Variants in LRRIQ3 observed in about 807,000 individuals in gnomAD.
LRRIQ3 encodes the protein leucine rich repeats and IQ motif containing 3.
Under a neutral mutation model 59.3 loss-of-function variants are expected in LRRIQ3, and 75 were observed. The ratio of observed to expected loss-of-function variants is 1.26; its 90% CI spans 1.05 to 1.53. The LOEUF is 1.53. LRRIQ3 is among the 40% of genes most tolerant of loss of function. The pLI is 0.00. For synonymous variants in LRRIQ3, 250 were observed against 231.3 expected (o/e 1.08, Z -0.73); for missense variants, 831 against 710.0 (o/e 1.17, Z -1.94).
intron 4 of LRRIQ3, among the ~76,000 whole-genome samples, chr1:74,154,279 A>AAG (rs1648187710): frequency 2.3e-5 from 3 of 132,446 alleles, no homozygotes; most frequent in African/African-American, 8.7e-5. Flanking sequence ...AAAAAAAAAA[A>AAG]TGTAATATCT....
chr1:74,064,573 A>G (rs1335743647), intron 6 of LRRIQ3, among the ~76,000 whole-genome samples: 1 of 152,046 alleles, frequency 6.6e-6, no homozygotes, highest in African/African-American at 2.4e-5. Flanking sequence ...ACTTTCTTTC[A>G]TACACCTTCT....
chr1:74,033,753 A>G (rs1450381207), intron 7 of LRRIQ3, among the ~76,000 whole-genome samples: 1 of 152,032 alleles, frequency 6.6e-6, no homozygotes, highest in African/African-American at 2.4e-5. Context: ...TAAAGACCAC[A>G]GTAAATGAAG....
At chr1:74,061,186 C>T (rs1454831789) in intron 6 of LRRIQ3, among the ~76,000 whole-genome samples, 1 of 152,002 alleles carries the variant, frequency 6.6e-6, no homozygotes, top group East Asian at 1.9e-4. Flanking sequence ...TTCACAATAG[C>T]CACAAAAAGA....
At chr1:74,142,321 TC>T (rs1195811165) in intron 4 of LRRIQ3, among the ~76,000 whole-genome samples, 2 of 151,962 alleles carry the variant, frequency 1.3e-5, no homozygotes, top group Non-Finnish European at 2.9e-5. Flanking sequence ...TTATTAATTA[TC>T]CCATCAAATG....
intron 4 of LRRIQ3, among the ~76,000 whole-genome samples, chr1:74,139,165 C>G (rs1260685805): frequency 6.7e-6 from 1 of 149,684 alleles, no homozygotes; most frequent in Non-Finnish European, 1.5e-5. Context: ...TATATATACA[C>G]ACATACATAA....
At chr1:74,075,204 G>A (rs1017388066) in intron 5 of LRRIQ3, among the ~76,000 whole-genome samples, 4 of 152,072 alleles carry the variant, frequency 2.6e-5, no homozygotes, top group African/African-American at 7.2e-5. Context: ...TAACATGGGG[G>A]AGGAAAAGGA....
At chr1:74,065,632 A>T (rs1312674237) in intron 6 of LRRIQ3, among the ~76,000 whole-genome samples, 1 of 152,178 alleles carries the variant, frequency 6.6e-6, no homozygotes, top group African/African-American at 2.4e-5. Context: ...GTGTTTGAAT[A>T]GAATTTTTTA....
chr1:74,177,695 A>AT (rs149999706), intron 3 of LRRIQ3, among the ~76,000 whole-genome samples: 2,087 of 152,042 alleles, frequency 0.014, 42 homozygotes, highest in African/African-American at 0.048. Flanking sequence ...TAAGGAACAT[A>AT]TATTTTAATG....
At chr1:74,112,401 AG>A (rs1401239929) in intron 4 of LRRIQ3, among the ~76,000 whole-genome samples, 6 of 152,126 alleles carry the variant, frequency 3.9e-5, no homozygotes, top group Non-Finnish European at 8.8e-5. Context: ...GGTAAACTGA[AG>A]ATCAGGTTGA....
At chr1:74,149,336 T>C (rs1647777850) in intron 4 of LRRIQ3, among the ~76,000 whole-genome samples, 1 of 152,306 alleles carries the variant, frequency 6.6e-6, no homozygotes, top group Non-Finnish European at 1.5e-5. Context: ...ACTTCAAGAA[T>C]GTGTTCAATT....
At chr1:74,103,396 G>C (rs557221600) in intron 5 of LRRIQ3, among the ~76,000 whole-genome samples, 3 of 151,966 alleles carry the variant, frequency 2.0e-5, no homozygotes, top group Admixed American at 2.0e-4. Flanking sequence ...ACCCTAAAAT[G>C]AGAGTTATAC....
intron 6 of LRRIQ3, among the ~76,000 whole-genome samples, chr1:74,064,816 T>G (rs994061901): frequency 2.0e-5 from 3 of 152,076 alleles, no homozygotes; most frequent in African/African-American, 7.2e-5. Context: ...TGGAGTTCCT[T>G]GCATGTAATG....
chr1:74,104,472 A>G (rs1463930115), intron 5 of LRRIQ3, among the ~76,000 whole-genome samples: 2 of 152,078 alleles, frequency 1.3e-5, no homozygotes, highest in Non-Finnish European at 2.9e-5. Flanking sequence ...TCTTTCATAC[A>G]ATGGAATATT....
intron 4 of LRRIQ3, among the ~76,000 whole-genome samples, chr1:74,112,843 TG>T (rs1301359855): frequency 6.6e-6 from 1 of 152,098 alleles, no homozygotes; most frequent in Non-Finnish European, 1.5e-5. Context: ...AAACTCTGGG[TG>T]GGGCTACAGT....
At position 74,098,475 on chromosome 1, in the gene LRRIQ3, G is replaced by A. The variant is rs1369172471; in HGVS notation, c.867+10919C>T. Among the ~76,000 whole-genome samples, 7 of 152,212 alleles carry A rather than the reference G, an allele frequency of 4.6e-5. No individual in the cohort carries two copies. The East Asian group carries it at 1.4e-3, about 29-fold the overall frequency. On this transcript the variant is annotated intron_variant, in intron 5 of 7. Coordinates refer to ENST00000354431, the MANE Select transcript of LRRIQ3 (RefSeq NM_001105659.2). ...TAATGTGAGACTTTAACTCCCCACT[G>A]TCAACATTAGGCAGATCAACGAGAC...
At chr1:74,132,662 T>A (rs907073053) in intron 4 of LRRIQ3, among the ~76,000 whole-genome samples, 2 of 152,144 alleles carry the variant, frequency 1.3e-5, no homozygotes, top group African/African-American at 4.8e-5. Flanking sequence ...GCTAGCCATA[T>A]GTAGAAAGCT....
chr1:74,120,720 A>C (rs1252849718), intron 4 of LRRIQ3, among the ~76,000 whole-genome samples: 1 of 152,028 alleles, frequency 6.6e-6, no homozygotes, highest in Non-Finnish European at 1.5e-5. Context: ...ATTTTAAAAT[A>C]AATGATAATA....
intron 3 of LRRIQ3, among the ~76,000 whole-genome samples, 188 bp from the exon 4 acceptor site, chr1:74,156,054 C>G (rs796472059): frequency 6.6e-6 from 1 of 152,092 alleles, no homozygotes; most frequent in Non-Finnish European, 1.5e-5. Context: ...GAAATGCAAT[C>G]CCCAATGTTA....
At chr1:74,156,590 G>C (rs1012918598) in intron 3 of LRRIQ3, among the ~76,000 whole-genome samples, 1 of 151,964 alleles carries the variant, frequency 6.6e-6, no homozygotes, top group East Asian at 1.9e-4. Flanking sequence ...TCTCTAAATG[G>C]TAGTGGCACA....
Sources: allele counts gnomAD v4.1 joint callset (sites outside exome capture counted in the v4.1 genomes callset), GRCh38; gene constraint gnomAD v4.1.1; transcripts MANE v1.5; gene names NCBI Gene and HGNC (gene_info 2026-07-23, HGNC 2026-07-21).